The following PRKDC variants were observed in gnomAD, a reference collection of about 807,000 sequenced individuals.
PRKDC encodes the protein protein kinase, DNA-activated, catalytic subunit, also known as DNA-dependent protein kinase catalytic subunit.
A neutral mutation model predicts 486.9 loss-of-function variants in PRKDC; 82 were observed. That is an observed-to-expected ratio of 0.17 (90% CI 0.14 to 0.20). The LOEUF (loss-of-function observed/expected upper bound fraction) is 0.20, where lower values mean the gene tolerates loss of function less well. PRKDC is among the 10% of genes least tolerant of loss of function. The probability of loss-of-function intolerance (pLI) is 1.00; values close to 1 mark genes in which losing one functional copy is unlikely to be tolerated. For missense variants in PRKDC, 4,504 were observed against 5,038.2 expected (o/e 0.89, Z 3.21); for synonymous variants, 1,895 against 1,837.0 (o/e 1.03, Z -0.81).
At chr8:47,902,234 A>G (rs895940827) in intron 27 of PRKDC, among the ~76,000 whole-genome samples, 2 of 152,082 alleles carry the variant, frequency 1.3e-5, no homozygotes, top group East Asian at 1.9e-4. Flanking sequence ...TTCAAGTCTC[A>G]TCTCCAATAT....
At chr8:47,959,834 C>G in intron 1 of PRKDC, 139 bp downstream of exon 1, 2 of 1,398,482 alleles carry the variant, frequency 1.4e-6, no homozygotes, top group East Asian at 2.6e-5. Flanking sequence ...TATACACATA[C>G]ACAGAAATTC....
At chr8:47,928,435 G>A (rs1212783591) in intron 19 of PRKDC, among the ~76,000 whole-genome samples, 3 of 152,076 alleles carry the variant, frequency 2.0e-5, no homozygotes, top group East Asian at 1.9e-4. Context: ...TTACAGGCAC[G>A]AACCAAAGTG....
At chr8:47,863,667 T>C in intron 41 of PRKDC, 90 bp from the exon 42 acceptor site, 1 of 1,099,160 alleles carries the variant, frequency 9.1e-7, no homozygotes, top group East Asian at 2.7e-5. Context: ...TTAATATCCT[T>C]TAGACAGACA....
chr8:47,955,068 C>T (rs970313750), intron 4 of PRKDC, among the ~76,000 whole-genome samples: 2 of 151,372 alleles, frequency 1.3e-5, no homozygotes, highest in Admixed American at 6.6e-5. Flanking sequence ...GCAGGAGAAT[C>T]GCTTGAACCT....
rs397891351 is a variant in PRKDC, at chr8:47,825,504, C to CAAAAAAAAAAA, written c.8783+1141_8783+1151dup. Reference sequence around the variant, plus strand: ...AACTGGCGACAGAGCAAGACTGTCTCAAAAAAAAAAAAAAAAAAAAAAAAA... The same window carrying CAAAAAAAAAAA: ...AACTGGCGACAGAGCAAGACTGTCTCAAAAAAAAAAAAAAAAAAAAAAAAAAAAAAAAAAAA... On this transcript the variant is annotated intron_variant, in intron 63 of 85. Transcript: ENST00000314191. Among the ~76,000 whole-genome samples the CAAAAAAAAAAA allele has an allele frequency of 1.8e-3, 18 of 10,252 alleles. 4 individuals carry two copies. The highest frequency in any genetic ancestry group is 6.1e-3 in the African/African-American group (17 of 2,770). The allele number at this position is 10,252 out of a possible 152,430, so 6.7% of individuals were successfully genotyped here. A position where few individuals can be genotyped will look rare whatever the true frequency, so the allele number is the denominator to read the frequency against.
rs543550994 is a variant in PRKDC, at chr8:47,900,221, T to G, written c.3364+152A>C. Among the ~76,000 whole-genome samples the G allele has an allele frequency of 3.3e-5, 5 of 152,116 alleles. 1 individual carries two copies. In the South Asian group the frequency reaches 1.0e-3, roughly 31 times the overall value. On this transcript the variant is annotated intron_variant, in intron 28 of 85. Transcript: ENST00000314191. ...GAAAAAATTATTAACAAGCTGGGTT[T>G]GAGGCACTGAAGGGGATTCTCTTCA...
Position 47,879,582 on chromosome 8 carries a change from T to C in PRKDC, c.5144A>G (p.Glu1715Gly). Residue 1715 changes from glutamate (E) to glycine (G), a missense_variant, in exon 39 of 86, where the codon GAG (glutamate) becomes GGG (glycine). This residue lies in a region of PRKDC where 1,969 missense variants were observed against 2,068.9 expected (regional missense o/e 0.95). Coordinates refer to ENST00000314191, the MANE Select transcript of PRKDC (RefSeq NM_006904.7). ...GSLEELRRVL[E>G]QLIVAHFPMQ... Reference sequence around the variant, plus strand: ...GGGGAAGTGAGCAACGATGAGCTGCTCCAGAACACGTCTAAGTTCCTCCAG... The same window carrying C: ...GGGGAAGTGAGCAACGATGAGCTGCCCCAGAACACGTCTAAGTTCCTCCAG... 6.3e-7 allele frequency: 1 copy of C among 1,597,064 alleles called. No homozygotes were observed. Among genetic ancestry groups the C allele is most frequent in the Non-Finnish European group, 8.5e-7 (1 of 1,171,784 alleles).
chr8:47,877,232 G>A (rs2089109807), intron 40 of PRKDC, among the ~76,000 whole-genome samples: 1 of 152,210 alleles, frequency 6.6e-6, no homozygotes, highest in African/African-American at 2.4e-5. Context: ...ACAGTGAAAT[G>A]CCATGTATGA....
intron 63 of PRKDC, among the ~76,000 whole-genome samples, 171 bp from the exon 64 acceptor site, chr8:47,824,167 C>T (rs1428912398): frequency 6.6e-6 from 1 of 152,012 alleles, no homozygotes; most frequent in African/African-American, 2.4e-5. Context: ...TGAAGTTGCC[C>T]TTAGGTTTTA....
chr8:47,819,301 T>C, intron 67 of PRKDC, 101 bp downstream of exon 67: 1 of 696,210 alleles, frequency 1.4e-6, no homozygotes, highest in Non-Finnish European at 2.4e-6. Flanking sequence ...TTCCAACCCA[T>C]ACATTAAGAA....
chr8:47,800,172 G>A (rs927409762), intron 71 of PRKDC, among the ~76,000 whole-genome samples: 1 of 151,734 alleles, frequency 6.6e-6, no homozygotes, highest in Non-Finnish European at 1.5e-5. Context: ...TGTTTATTGC[G>A]GCACTATTCA....
At chr8:47,855,985 C>T (rs1279668925) in intron 49 of PRKDC, among the ~76,000 whole-genome samples, 2 of 152,180 alleles carry the variant, frequency 1.3e-5, no homozygotes, top group South Asian at 2.1e-4. Flanking sequence ...TCAGCTACCT[C>T]GAGCCCGGCA....
rs1305011327 is a variant in PRKDC, at chr8:47,930,665, C to A, written c.1892+7G>T. On this transcript the variant is annotated splice_region_variant and intron_variant, in intron 17 of 85. Transcript: ENST00000314191. ...CATTCTTAAATAATTAGAATTTTACCAAATACCTGCAAAATTCCACCAGGT... is the reference window on the plus strand; with the variant it reads ...CATTCTTAAATAATTAGAATTTTACAAAATACCTGCAAAATTCCACCAGGT... 1.3e-6 allele frequency: 2 copies of A among 1,551,030 alleles called. No homozygotes were observed. The highest frequency in any genetic ancestry group is 4.0e-5 in the Admixed American group (2 of 50,448).
chr8:47,900,710 G>A (rs748221221), intron 27 of PRKDC, among the ~76,000 whole-genome samples: 3 of 152,006 alleles, frequency 2.0e-5, no homozygotes, highest in Admixed American at 6.6e-5. Context: ...TTAGCTGGGC[G>A]CGGTGGCAGG....
rs567299279 is a variant in PRKDC at position 47,851,918 on chromosome 8, C to T, written c.7005+755G>A. On this transcript the variant is annotated intron_variant, in intron 52 of 85. Transcript: ENST00000314191. ...CAGTGATGAACCTGAAACCCACCAC[C>T]CTGCTTGGGCAACATGGCGAAACCT... 6.6e-5 allele frequency among the ~76,000 whole-genome samples: 10 copies of T among 152,206 alleles called. No individual in the cohort carries two copies. In the East Asian group the frequency reaches 9.7e-4, roughly 15 times the overall value.
intron 11 of PRKDC, 136 bp from the exon 12 acceptor site, chr8:47,936,653 C>G: frequency 1.0e-6 from 1 of 988,326 alleles, no homozygotes; most frequent in Non-Finnish European, 1.4e-6. Context: ...AAGTTTCGCT[C>G]TTGTCCAGGC....
At chr8:47,933,552 G>A (rs1409852993) in intron 15 of PRKDC, among the ~76,000 whole-genome samples, 2 of 152,184 alleles carry the variant, frequency 1.3e-5, no homozygotes, top group Non-Finnish European at 2.9e-5. Flanking sequence ...CTGTGTACAT[G>A]TAAGTACATG....
chr8:47,803,823 C>T (rs1458862445), intron 69 of PRKDC, among the ~76,000 whole-genome samples: 2 of 151,680 alleles, frequency 1.3e-5, no homozygotes, highest in Middle Eastern at 3.4e-3. Flanking sequence ...TGGCACGTGC[C>T]TATAGTCCCA....
In PRKDC at chr8:47,889,054, T is replaced by C. The variant is rs373660300; in HGVS notation, c.4240A>G (p.Ile1414Val). The change falls in exon 33 of 86, where the codon ATC becomes GTC. Residue 1414 changes from isoleucine (I) to valine (V), a missense_variant. This residue lies in a region of PRKDC where 1,969 missense variants were observed against 2,068.9 expected (regional missense o/e 0.95). Coordinates refer to ENST00000314191, the MANE Select transcript of PRKDC (RefSeq NM_006904.7). ...KALKMSPYKD[I>V]LETHLREKIT... ...TTCTCTCTCAGATGGGTCTCTAGGA[T>C]ATCTTTGTATGGGGACATCTTTAGA... The C allele has an allele frequency of 1.7e-5, 28 of 1,613,860 alleles. No homozygotes were observed. In the African/African-American group the frequency reaches 3.6e-4, roughly 21 times the overall value.
Sources: gnomAD v4.1 joint callset for allele counts (sites outside exome capture counted in the v4.1 genomes callset) on GRCh38, gnomAD v4.1.1 for gene constraint, gnomAD v4.1.1 regional missense constraint, MANE v1.5 for transcripts, NCBI Gene and HGNC (gene_info 2026-07-23, HGNC 2026-07-21) for gene names.